NTRK2: variants seen among roughly 807,000 people sequenced by gnomAD.
The protein encoded by NTRK2 is BDNF/NT-3 growth factors receptor.
Under a neutral mutation model 94.5 loss-of-function variants are expected in NTRK2, and 13 were observed. The observed-to-expected ratio is 0.14, with a 90% CI of 0.09 to 0.22. The LOEUF (loss-of-function observed/expected upper bound fraction) is 0.22. Among genes scored for constraint, NTRK2 ranks in the 10% least tolerant of loss-of-function variants. The pLI, the probability that NTRK2 is intolerant of heterozygous loss-of-function variation, is 1.00. For missense variants in NTRK2, 639 were observed against 1,071.2 expected (o/e 0.60, Z 5.63); for synonymous variants, 372 against 407.4 (o/e 0.91, Z 1.05).
At chr9:84,707,000 G>A (rs1264847701) in intron 4 of NTRK2, among the ~76,000 whole-genome samples, 1 of 152,098 alleles carries the variant, frequency 6.6e-6, no homozygotes, top group African/African-American at 2.4e-5. Context: ...TGAGGCCCAA[G>A]CATCGGATAC....
intron 2 of NTRK2, among the ~76,000 whole-genome samples, chr9:84,686,095 G>T (rs756716412): frequency 2.6e-5 from 4 of 152,156 alleles, no homozygotes; most frequent in Admixed American, 6.5e-5. Flanking sequence ...TGGTCTCTGG[G>T]TCATCAATAT....
chr9:84,999,323 C>T (rs894771961), intron 17 of NTRK2, among the ~76,000 whole-genome samples: 1 of 152,160 alleles, frequency 6.6e-6, no homozygotes, highest in Non-Finnish European at 1.5e-5. Flanking sequence ...AGTTATAAAG[C>T]CTCTCTCTTT....
chr9:85,001,962 G>A (rs1830388829), intron 17 of NTRK2, among the ~76,000 whole-genome samples: 1 of 152,176 alleles, frequency 6.6e-6, no homozygotes, highest in African/African-American at 2.4e-5. Flanking sequence ...TGCGGGGAAG[G>A]GGACTTCACA....
intron 14 of NTRK2, among the ~76,000 whole-genome samples, chr9:84,926,169 CCTTTCTTTCTTT>C (rs869183621): frequency 0.045 from 1,697 of 38,084 alleles, 110 homozygotes; most frequent in Non-Finnish European, 0.053. Flanking sequence ...TTCCTTCCTT[CCTTTCTTTCTTT>C]CTTTCTTTCT....
intron 12 of NTRK2, chr9:84,815,389 T>C (rs200396023): frequency 1.9e-6 from 2 of 1,045,442 alleles, no homozygotes; most frequent in Non-Finnish European, 2.3e-6. Flanking sequence ...AGTCCATTTA[T>C]GAATTGAGTA....
chr9:84,872,422 T>C, intron 14 of NTRK2: 2 of 1,076,746 alleles, frequency 1.9e-6, no homozygotes, highest in Non-Finnish European at 2.3e-6. Context: ...ATGTCCTCCC[T>C]AAAATTCTGT....
At chr9:84,862,375 A>G (rs1479930747) in intron 13 of NTRK2, among the ~76,000 whole-genome samples, 1 of 152,168 alleles carries the variant, frequency 6.6e-6, no homozygotes, top group Non-Finnish European at 1.5e-5. Context: ...AGGTGGTAAT[A>G]AACTCTCCCA....
intron 12 of NTRK2, among the ~76,000 whole-genome samples, chr9:84,766,501 A>G (rs2066038478): frequency 6.6e-6 from 1 of 152,166 alleles, no homozygotes; most frequent in Admixed American, 6.5e-5. Flanking sequence ...GCACTGATGT[A>G]ATGATGTATT....
chr9:84,920,514 G>C (rs1291188023), intron 14 of NTRK2, among the ~76,000 whole-genome samples: 1 of 152,148 alleles, frequency 6.6e-6, no homozygotes, highest in Non-Finnish European at 1.5e-5. Flanking sequence ...CCTTCCGTCT[G>C]TTGCACCTGC....
At chr9:84,978,760 C>T (rs565501667) in intron 17 of NTRK2, among the ~76,000 whole-genome samples, 15 of 152,284 alleles carry the variant, frequency 9.9e-5, no homozygotes, top group South Asian at 4.2e-4. Context: ...CACAGTGTCC[C>T]GTCAGCTGAC....
At chr9:84,891,006 G>T (rs1005173145) in intron 14 of NTRK2, among the ~76,000 whole-genome samples, 6 of 152,192 alleles carry the variant, frequency 3.9e-5, no homozygotes, top group Non-Finnish European at 7.3e-5. Flanking sequence ...CACCATTAGT[G>T]GCTTAAAATA....
chr9:84,826,692 G>C (rs10125445), intron 12 of NTRK2, among the ~76,000 whole-genome samples: 8,812 of 152,146 alleles, frequency 0.058, 324 homozygotes, highest in Admixed American at 0.092. Flanking sequence ...GTAAAAGGGG[G>C]ATACTCATTT....
intron 12 of NTRK2, among the ~76,000 whole-genome samples, chr9:84,775,439 G>A (rs916543998): frequency 3.3e-5 from 5 of 152,074 alleles, no homozygotes; most frequent in African/African-American, 1.2e-4. Flanking sequence ...CAGAGATATT[G>A]CCAGCAACAT....
intron 17 of NTRK2, among the ~76,000 whole-genome samples, chr9:84,976,185 C>T (rs1267589563): frequency 2.0e-5 from 3 of 152,168 alleles, no homozygotes; most frequent in Admixed American, 1.3e-4. Context: ...TTTTCTCACA[C>T]CCCTGGAGGC....
In NTRK2 at chr9:85,024,198, CT is replaced by C. The variant is rs1169987776; in HGVS notation, c.*2765del. 4.3e-6 allele frequency: 1 copy of C among 231,782 alleles called. No individual in the cohort carries two copies. The highest frequency in any genetic ancestry group is 2.2e-5 in the African/African-American group (1 of 45,248). 14.4% of individuals were successfully genotyped at this position (231,782 alleles called of 1,614,324 possible). A position where few individuals can be genotyped will look rare whatever the true frequency, so the allele number is the denominator to read the frequency against. ...CTCAAATTGAAAGAATATCAGATTG[CT>C]TTTAAAGTAGCTGAACGAGCCACAG... On this transcript the variant is annotated 3_prime_UTR_variant, in exon 19 of 19. Transcript: ENST00000277120.
chr9:84,921,254 T>G (rs2077558108), intron 14 of NTRK2, among the ~76,000 whole-genome samples: 2 of 152,218 alleles, frequency 1.3e-5, no homozygotes, highest in Admixed American at 1.3e-4. Context: ...GTTGTACAGT[T>G]CTTATTACTA....
intron 12 of NTRK2, among the ~76,000 whole-genome samples, chr9:84,765,497 A>T (rs2065945142): frequency 6.6e-6 from 1 of 152,288 alleles, no homozygotes; most frequent in South Asian, 2.1e-4. Flanking sequence ...ATAGATGAGG[A>T]TGGTGGGCCC....
chr9:84,847,888 C>T (rs1206832933), intron 12 of NTRK2, among the ~76,000 whole-genome samples: 1 of 152,150 alleles, frequency 6.6e-6, no homozygotes, highest in Admixed American at 6.6e-5. Context: ...GCTCAGGCTG[C>T]CATGACAAAA....
chr9:84,927,254 A>G (rs2077853085), intron 14 of NTRK2, among the ~76,000 whole-genome samples: 3 of 152,206 alleles, frequency 2.0e-5, no homozygotes, highest in African/African-American at 7.2e-5. Context: ...TTGCATTTCT[A>G]CTTAACACCT....
Sources: allele counts gnomAD v4.1 joint callset (sites outside exome capture counted in the v4.1 genomes callset), GRCh38; gene constraint gnomAD v4.1.1; transcripts MANE v1.5; gene names NCBI Gene and HGNC (gene_info 2026-07-23, HGNC 2026-07-21).